Variants in LRRC69 observed in about 807,000 individuals in gnomAD.
LRRC69 encodes leucine rich repeat containing 69.
In LRRC69, 42 loss-of-function variants were observed where a neutral mutation model predicts 37.8. The observed-to-expected ratio is 1.11, with a 90% CI of 0.87 to 1.44. LRRC69 has a LOEUF of 1.44. Among genes scored for constraint, LRRC69 ranks in the 40% most tolerant of loss-of-function variants. The probability of loss-of-function intolerance (pLI) is 0.00; values close to 1 mark genes in which losing one functional copy is unlikely to be tolerated. For synonymous variants in LRRC69, 141 were observed against 143.1 expected (o/e 0.99, Z 0.11); for missense variants, 357 against 401.9 (o/e 0.89, Z 0.96).
At chr8:91,166,586 T>C (rs1487026290) in intron 5 of LRRC69, among the ~76,000 whole-genome samples, 1 of 150,532 alleles carries the variant, frequency 6.6e-6, no homozygotes, top group Non-Finnish European at 1.5e-5. Flanking sequence ...GGAATTATAA[T>C]TTATATTCCT....
intron 1 of LRRC69, among the ~76,000 whole-genome samples, chr8:91,103,703 G>C (rs972993718): frequency 1.3e-5 from 2 of 151,988 alleles, no homozygotes; most frequent in African/African-American, 4.8e-5. Context: ...AAGAAATTGA[G>C]TTTGTAATCT....
intron 5 of LRRC69, among the ~76,000 whole-genome samples, chr8:91,173,858 G>T (rs971291676): frequency 2.0e-5 from 3 of 151,600 alleles, no homozygotes; most frequent in Non-Finnish European, 2.9e-5. Flanking sequence ...GCCCTACCTC[G>T]ATACTATCAT....
chr8:91,108,561 TAGTCAGAGA>T (rs1231313721), intron 1 of LRRC69, among the ~76,000 whole-genome samples: 1 of 152,046 alleles, frequency 6.6e-6, no homozygotes, highest in Non-Finnish European at 1.5e-5. Flanking sequence ...TGAGAGTCTC[TAGTCAGAGA>T]AGTCAGAGAA....
At chr8:91,114,883 C>A (rs1234475544) in intron 1 of LRRC69, among the ~76,000 whole-genome samples, 1 of 151,970 alleles carries the variant, frequency 6.6e-6, no homozygotes, top group Non-Finnish European at 1.5e-5. Flanking sequence ...AAAGAAAATT[C>A]TATCATTTGC....
At chr8:91,218,155 G>A (rs764622420) in intron 7 of LRRC69, among the ~76,000 whole-genome samples, 3 of 152,062 alleles carry the variant, frequency 2.0e-5, no homozygotes, top group East Asian at 1.9e-4. Context: ...ACTAAGCAGC[G>A]TTATCAACCA....
chr8:91,176,134 A>ATATATATATATTTTTTTTTT, intron 5 of LRRC69, among the ~76,000 whole-genome samples: 28 of 75,694 alleles, frequency 3.7e-4, no homozygotes, highest in Admixed American at 5.5e-4. Context: ...ATATATATAT[A>ATATATATATATTTTTTTTTT]TTTTTTTTTT....
intron 4 of LRRC69, 155 bp downstream of exon 4, chr8:91,133,460 G>T (rs1428932239): frequency 3.9e-6 from 2 of 513,144 alleles, no homozygotes; most frequent in Non-Finnish European, 6.5e-6. Context: ...TATGACAGAA[G>T]AAGGCTATAA....
At chr8:91,139,220 G>A (rs1381166912) in intron 5 of LRRC69, 1 of 151,602 alleles carries the variant, frequency 6.6e-6, no homozygotes, top group Non-Finnish European at 1.5e-5. Flanking sequence ...TTCTTAAAAT[G>A]TGAAGCAAAA....
chr8:91,199,347 T>A (rs1031836105), intron 6 of LRRC69, among the ~76,000 whole-genome samples: 1 of 151,962 alleles, frequency 6.6e-6, no homozygotes, highest in African/African-American at 2.4e-5. Flanking sequence ...GGGTAGGAGG[T>A]TGTGCTGTTG....
At chr8:91,155,598 T>G (rs1388613351) in intron 5 of LRRC69, among the ~76,000 whole-genome samples, 1 of 150,766 alleles carries the variant, frequency 6.6e-6, no homozygotes, top group African/African-American at 2.4e-5. Flanking sequence ...TTCTCCTCTC[T>G]AGCTGTAATT....
chr8:91,197,008 A>C (rs1809615285), intron 6 of LRRC69, among the ~76,000 whole-genome samples: 1 of 151,320 alleles, frequency 6.6e-6, no homozygotes, highest in Admixed American at 6.6e-5. Flanking sequence ...GGTGATGTAC[A>C]GATGGGTTTT....
At chr8:91,161,349 A>C (rs1344252148) in intron 5 of LRRC69, among the ~76,000 whole-genome samples, 1 of 151,284 alleles carries the variant, frequency 6.6e-6, no homozygotes, top group Non-Finnish European at 1.5e-5. Context: ...TCTTTTCGGA[A>C]TGGTTTGAGA....
intron 5 of LRRC69, among the ~76,000 whole-genome samples, chr8:91,149,199 G>A (rs1242780681): frequency 4.6e-5 from 7 of 151,902 alleles, no homozygotes; most frequent in African/African-American, 1.7e-4. Flanking sequence ...TTTTCTTCTA[G>A]GGTTTTTATG....
At chr8:91,189,863 A>T (rs569315533) in intron 6 of LRRC69, among the ~76,000 whole-genome samples, 15 of 152,330 alleles carry the variant, frequency 9.8e-5, no homozygotes, top group Admixed American at 5.2e-4. Context: ...TGTAGGATGA[A>T]TAAAAGAGAG....
intron 5 of LRRC69, among the ~76,000 whole-genome samples, chr8:91,153,609 T>C (rs1808780431): frequency 6.6e-6 from 1 of 151,962 alleles, no homozygotes; most frequent in Non-Finnish European, 1.5e-5. Context: ...TGCTCCTGAA[T>C]GACTCCTGAG....
chr8:91,218,255 A>G (rs1007493774), intron 7 of LRRC69, among the ~76,000 whole-genome samples: 2 of 152,214 alleles, frequency 1.3e-5, no homozygotes, highest in African/African-American at 4.8e-5. Context: ...TATAAAACAT[A>G]GAAATGGTAA....
chr8:91,180,906 A>G lies in LRRC69; in HGVS notation c.652-8616A>G, dbSNP rs1042945325. ...TGAAGAAGAACAAAATAACTGAGAG[A>G]AAACAAGGATAATTGTGTAGAAAGT... On this transcript the variant is annotated intron_variant, in intron 5 of 7. Transcript: ENST00000448384. Among the ~76,000 whole-genome samples the G allele has an allele frequency of 3.3e-5, 5 of 152,324 alleles. No homozygotes were observed. In the South Asian group the frequency reaches 1.0e-3, roughly 32 times the overall value.
chr8:91,191,617 G>A (rs562212470), intron 6 of LRRC69, among the ~76,000 whole-genome samples: 12 of 152,084 alleles, frequency 7.9e-5, no homozygotes, highest in African/African-American at 2.9e-4. Context: ...CTGCAATATT[G>A]GTTCAGAAAG....
At chr8:91,148,962 CT>C (rs1379051557) in intron 5 of LRRC69, among the ~76,000 whole-genome samples, 1 of 151,532 alleles carries the variant, frequency 6.6e-6, no homozygotes, top group African/African-American at 2.4e-5. Context: ...TGTTTGAGTT[CT>C]TTGTAGATTC....
Sources: gnomAD v4.1 joint callset for allele counts (sites outside exome capture counted in the v4.1 genomes callset) on GRCh38, gnomAD v4.1.1 for gene constraint, MANE v1.5 for transcripts, NCBI Gene and HGNC (gene_info 2026-07-23, HGNC 2026-07-21) for gene names.